The following NSMCE1 variants were observed in gnomAD, a reference collection of about 807,000 sequenced individuals.
The protein encoded by NSMCE1 is non-structural maintenance of chromosomes element 1 homolog.
Under a neutral mutation model 29.6 loss-of-function variants are expected in NSMCE1, and 18 were observed. That is an observed-to-expected ratio of 0.61 (90% CI 0.42 to 0.90). The LOEUF is 0.90. Ranked by LOEUF, NSMCE1 falls within the 40% of genes least tolerant of loss-of-function variation. NSMCE1 has a pLI of 0.00. For synonymous variants in NSMCE1, 124 were observed against 133.4 expected, an observed-to-expected ratio of 0.93 and a Z score of 0.49; for missense variants, 314 against 343.6, an observed-to-expected ratio of 0.91 and a Z score of 0.68.
intron 5 of NSMCE1, among the ~76,000 whole-genome samples, chr16:27,228,289 G>C (rs1175059588): frequency 6.6e-6 from 1 of 152,132 alleles, no homozygotes; most frequent in East Asian, 1.9e-4. Context: ...AACAGTGGAG[G>C]GAGGCCGGGG....
chr16:27,232,851 C>CG lies in NSMCE1; in HGVS notation c.483+149dup. The CG allele has an allele frequency of 4.1e-6, 3 of 735,946 alleles. No homozygotes were observed. The East Asian group carries it at 8.0e-5, about 20-fold the overall frequency. The allele number at this position is 735,946 out of a possible 1,614,324, so 45.6% of individuals were successfully genotyped here. A position where few individuals can be genotyped will look rare whatever the true frequency, so the allele number is the denominator to read the frequency against. On this transcript the variant is annotated intron_variant, in intron 5 of 7. Coordinates refer to ENST00000361439, the MANE Select transcript of NSMCE1 (RefSeq NM_145080.4). This position sits in a 1 kb window ranked among gnomAD's most constrained non-coding sequence, Gnocchi z 4.5. The stretch of plus-strand genomic sequence containing the variant: ...AGGAGTGAGGCCCAAGTCCTCCCCA[C>CG]GGGGTCACTGCTGGAATGCATGAAA...
intron 6 of NSMCE1, 62 bp from the exon 7 acceptor site, chr16:27,225,908 C>G: frequency 6.3e-7 from 1 of 1,598,734 alleles, no homozygotes; most frequent in Non-Finnish European, 8.5e-7. Context: ...TGCAAACCTC[C>G]GGGGAAGCCA....
chr16:27,242,475 G>A (rs2083905846), intron 2 of NSMCE1, among the ~76,000 whole-genome samples: 1 of 152,072 alleles, frequency 6.6e-6, no homozygotes, highest in Admixed American at 6.6e-5. Context: ...ATGTTACTGG[G>A]CACAGTACCT....
chr16:27,263,464 G>A (rs1227651427), intron 1 of NSMCE1, among the ~76,000 whole-genome samples: 1 of 152,200 alleles, frequency 6.6e-6, no homozygotes, highest in Non-Finnish European at 1.5e-5. Context: ...AATACCACAT[G>A]TTCTCACTTA....
At chr16:27,262,323 TG>T (rs1168471237) in intron 1 of NSMCE1, among the ~76,000 whole-genome samples, 1 of 151,284 alleles carries the variant, frequency 6.6e-6, no homozygotes, top group African/African-American at 2.4e-5. Flanking sequence ...AGAACAAAGC[TG>T]GAGGCATCAC....
Position 27,226,787 on chromosome 16 carries a change from T to C in NSMCE1, c.533A>G (p.Gln178Arg). The change falls in exon 6 of 8, where the codon CAA becomes CGA. Residue 178 changes from glutamine to arginine, a missense_variant. Transcript: ENST00000361439. The stretch of plus-strand genomic sequence containing the variant: ...GTCGGGGTACGTCTCCCGGATGTAT[T>C]GCTCCATCTCCAGGATGGCCCGGCC... ...LHGRAILEMEQYIRETYPDAV... is the reference protein window; with the variant it reads ...LHGRAILEMERYIRETYPDAV... 4 of 1,614,066 alleles carry C rather than the reference T, an allele frequency of 2.5e-6. No individual in the cohort carries two copies. Among genetic ancestry groups the C allele is most frequent in the Non-Finnish European group, 3.4e-6 (4 of 1,179,918 alleles).
intron 2 of NSMCE1, among the ~76,000 whole-genome samples, chr16:27,248,406 CTTTTTTTTT>C (rs756697569): frequency 4.7e-5 from 4 of 84,770 alleles, no homozygotes; most frequent in African/African-American, 9.6e-5. Flanking sequence ...TTTTAGTTTG[CTTTTTTTTT>C]TTTTTTTTTT....
intron 2 of NSMCE1, among the ~76,000 whole-genome samples, chr16:27,244,646 T>C (rs111860116): frequency 2.4e-4 from 33 of 137,214 alleles, no homozygotes; most frequent in African/African-American, 8.3e-4. Flanking sequence ...TCGCCACATA[T>C]GGCAGCTCCA....
intron 2 of NSMCE1, among the ~76,000 whole-genome samples, chr16:27,238,159 A>G (rs80292790): frequency 0.016 from 2,377 of 152,356 alleles, 62 homozygotes; most frequent in African/African-American, 0.053. Context: ...TGGGGCCAGA[A>G]GCAGAGGTGT....
chr16:27,243,674 G>A (rs1354368646), intron 2 of NSMCE1, among the ~76,000 whole-genome samples: 1 of 152,162 alleles, frequency 6.6e-6, no homozygotes, highest in Admixed American at 6.5e-5. Context: ...TTTTAGAGAT[G>A]GGGTCTCGCT....
Position 27,225,852 on chromosome 16 carries a change from A to G in NSMCE1, c.601-6T>C. The stretch of plus-strand genomic sequence containing the variant: ...CAGGTTTCGCAGCTTTGACCCTGAA[A>G]CAGGAAAGGCCAATGACGGCGGAGC... On this transcript the variant is annotated splice_polypyrimidine_tract_variant and splice_region_variant and intron_variant, in intron 6 of 7. Coordinates refer to ENST00000361439, the MANE Select transcript of NSMCE1 (RefSeq NM_145080.4). 1 of 1,613,946 alleles carries G rather than the reference A, an allele frequency of 6.2e-7. No homozygotes were observed. The highest frequency in any genetic ancestry group is 8.5e-7 in the Non-Finnish European group (1 of 1,179,970).
At chr16:27,239,712 G>C (rs548783828) in intron 2 of NSMCE1, among the ~76,000 whole-genome samples, 2 of 152,196 alleles carry the variant, frequency 1.3e-5, no homozygotes, top group East Asian at 3.9e-4. Flanking sequence ...ACAGAGGAAC[G>C]AGGCCCTGGC....
chr16:27,267,734 A>AT (rs111284469), intron 1 of NSMCE1, among the ~76,000 whole-genome samples: 31,119 of 147,792 alleles, frequency 0.21, 3,583 homozygotes, highest in East Asian at 0.41. Flanking sequence ...AAATATATGC[A>AT]TTTTTTTTTT....
intron 2 of NSMCE1, among the ~76,000 whole-genome samples, chr16:27,244,855 A>G (rs755451639): frequency 2.0e-5 from 3 of 152,238 alleles, no homozygotes; most frequent in Non-Finnish European, 2.9e-5. Context: ...CAGCAGCCCA[A>G]CATTCAGCTG....
chr16:27,227,416 G>A (rs12928394), intron 5 of NSMCE1, among the ~76,000 whole-genome samples: 45,524 of 152,182 alleles, frequency 0.3, 7,224 homozygotes, highest in East Asian at 0.47. Context: ...GGAGCCTCCA[G>A]TGGAAGCCAG....
At chr16:27,249,302 G>A (rs1043688022) in intron 2 of NSMCE1, among the ~76,000 whole-genome samples, 4 of 151,936 alleles carry the variant, frequency 2.6e-5, no homozygotes, top group African/African-American at 7.3e-5. Flanking sequence ...TCAATTTATC[G>A]ATTCATTCTC....
At chr16:27,235,378 T>G in intron 2 of NSMCE1, 79 bp from the exon 3 acceptor site, 1 of 1,538,034 alleles carries the variant, frequency 6.5e-7, no homozygotes, top group Non-Finnish European at 8.9e-7. Context: ...AATCATTCCA[T>G]CCCATCTCAA....
chr16:27,239,955 G>A (rs372254379), intron 2 of NSMCE1, among the ~76,000 whole-genome samples: 3 of 130,868 alleles, frequency 2.3e-5, no homozygotes, highest in African/African-American at 8.3e-5. Flanking sequence ...ACCTTATTAT[G>A]TGCCAGCACT....
intron 2 of NSMCE1, among the ~76,000 whole-genome samples, chr16:27,247,855 A>T: frequency 6.6e-6 from 1 of 151,408 alleles, no homozygotes; most frequent in Non-Finnish European, 1.5e-5. Context: ...TGAACCTGGG[A>T]GGTGGAGGTT....
Sources: gnomAD v4.1 joint callset for allele counts (sites outside exome capture counted in the v4.1 genomes callset) on GRCh38, gnomAD v4.1.1 for gene constraint, Gnocchi (gnomAD v3.1) non-coding constraint, MANE v1.5 for transcripts, NCBI Gene and HGNC (gene_info 2026-07-23, HGNC 2026-07-21) for gene names.